NUP214: variants seen among roughly 807,000 people sequenced by gnomAD.
NUP214 encodes the protein nucleoporin 214, also known as nuclear pore complex protein Nup214.
Under a neutral mutation model 196.2 loss-of-function variants are expected in NUP214, and 79 were observed. The observed-to-expected ratio is 0.40, with a 90% CI of 0.34 to 0.49. The LOEUF (loss-of-function observed/expected upper bound fraction) is 0.49. NUP214 is among the 20% of genes least tolerant of loss of function. The pLI is 0.58. For missense variants in NUP214, 2,468 were observed against 2,539.0 expected (o/e 0.97, Z 0.60); for synonymous variants, 1,020 against 990.5 (o/e 1.03, Z -0.56).
chr9:131,203,290 A>G (rs935861438), intron 30 of NUP214, among the ~76,000 whole-genome samples: 1 of 152,126 alleles, frequency 6.6e-6, no homozygotes, highest in Non-Finnish European at 1.5e-5. Context: ...GCATCACAGC[A>G]CCTCCATAAG....
intron 26 of NUP214, 62 bp from the exon 27 acceptor site, chr9:131,192,146 T>G: frequency 9.1e-7 from 1 of 1,103,916 alleles, no homozygotes; most frequent in Non-Finnish European, 1.3e-6. Context: ...ACTGGAACAG[T>G]GTTTCTGTCT....
intron 19 of NUP214, 31 bp from the exon 20 acceptor site, chr9:131,163,839 T>C (rs750563677): frequency 6.4e-7 from 1 of 1,567,260 alleles, no homozygotes; most frequent in South Asian, 1.1e-5. Flanking sequence ...CAGCTCCTAG[T>C]TGGTCTGTAT....
intron 34 of NUP214, among the ~76,000 whole-genome samples, chr9:131,231,448 C>T (rs1183123382): frequency 6.6e-6 from 1 of 151,996 alleles, no homozygotes; most frequent in African/African-American, 2.4e-5. Flanking sequence ...ACCTCGGCCT[C>T]CCAGAGTGCT....
At chr9:131,201,065 G>A (rs1833925191) in intron 29 of NUP214, among the ~76,000 whole-genome samples, 2 of 148,942 alleles carry the variant, frequency 1.3e-5, no homozygotes, top group Admixed American at 6.8e-5. Context: ...AATGAAAAAT[G>A]GTCTTTAAAG....
chr9:131,190,842 C>T (rs1833576741), intron 26 of NUP214: 1 of 158,372 alleles, frequency 6.3e-6, no homozygotes, highest in Non-Finnish European at 1.4e-5. Context: ...AACTTATTTC[C>T]CCTTCTCTGC....
intron 18 of NUP214, among the ~76,000 whole-genome samples, chr9:131,161,580 T>C (rs2133551052): frequency 6.6e-6 from 1 of 152,298 alleles, no homozygotes. Context: ...AAAAATTATA[T>C]GTTGAACTAC....
In NUP214 at chr9:131,129,402, A is replaced by G; in HGVS notation, c.517A>G (p.Ser173Gly). Residue 173 changes from serine (S) to glycine (G), a missense_variant, in exon 4 of 36, where the codon AGT becomes GGT. Ser to Gly is a moderately conservative substitution (Grantham distance 56). Around this residue, in one of 5 missense-constraint regions of NUP214, gnomAD observed 392 missense variants for 417.9 expected, o/e 0.94. Transcript: ENST00000359428. ...SMVAVCLADG[S>G]IAVLQVTETV... ...GGTGGCAGTTTGTCTGGCTGATGGTAGTATTGCTGTCCTGCAAGTCACGGA... is the reference window on the plus strand; with the variant it reads ...GGTGGCAGTTTGTCTGGCTGATGGTGGTATTGCTGTCCTGCAAGTCACGGA... 1.9e-6 allele frequency: 3 copies of G among 1,614,236 alleles called. No homozygotes were observed. The highest frequency in any genetic ancestry group is 2.5e-6 in the Non-Finnish European group (3 of 1,180,038).
In NUP214 at chr9:131,222,818, T is replaced by G. The variant is rs748379157; in HGVS notation, c.5790T>G (p.Phe1930Leu). The G allele has an allele frequency of 4.3e-6, 7 of 1,614,186 alleles. No homozygotes were observed. The South Asian group carries it at 7.7e-5, about 18-fold the overall frequency. Residue 1930 changes from phenylalanine to leucine, a missense_variant, in exon 32 of 36, where the codon TTT becomes TTG. Phe to Leu is a conservative substitution (Grantham distance 22, BLOSUM62 0). Around this residue, in one of 5 missense-constraint regions of NUP214, gnomAD observed 262 missense variants for 296.5 expected, o/e 0.88. Transcript: ENST00000359428. ...NLFGNSGAKT[F>L]GGFASSSFGE... Reference sequence around the variant, plus strand: ...TTGGAAACAGTGGGGCCAAGACATTTGGTGGATTTGCCAGCTCGTCGTTTG... The same window carrying G: ...TTGGAAACAGTGGGGCCAAGACATTGGGTGGATTTGCCAGCTCGTCGTTTG...
chr9:131,206,532 TCTC>T (rs758335857), intron 30 of NUP214, among the ~76,000 whole-genome samples: 1 of 151,886 alleles, frequency 6.6e-6, no homozygotes, highest in Non-Finnish European at 1.5e-5. Flanking sequence ...GCAGCCTTGA[TCTC>T]CTGGGCTCAA....
chr9:131,234,131 C>T lies in NUP214; in HGVS notation c.*644C>T, dbSNP rs1389399588. The T allele has an allele frequency of 3.9e-5, 9 of 233,394 alleles. No homozygotes were observed. Among genetic ancestry groups the T allele is most frequent in the East Asian group, 1.8e-4 (3 of 16,586 alleles). 14.5% of individuals were successfully genotyped at this position (233,394 alleles called of 1,614,324 possible). A position where few individuals can be genotyped will look rare whatever the true frequency, so the allele number is the denominator to read the frequency against. The stretch of plus-strand genomic sequence containing the variant: ...AGGCAGGACAGTGCTGCGCCTTAGC[C>T]GGCCTTGGCTCTCATCTCCATGTGG... On this transcript the variant is annotated 3_prime_UTR_variant, in exon 36 of 36. Coordinates refer to ENST00000359428, the MANE Select transcript of NUP214 (RefSeq NM_005085.4).
Position 131,144,784 on chromosome 9 carries a change from G to A in NUP214, c.1769+30G>A, listed in dbSNP as rs778898848. On this transcript the variant is annotated intron_variant, in intron 12 of 35. Coordinates refer to ENST00000359428, the MANE Select transcript of NUP214 (RefSeq NM_005085.4). Reference sequence around the variant, plus strand: ...GTCACTTCTAAAGTTTGATTCTTCTGTGAGTTGGGTAGAAATATTGGATGT... The same window carrying A: ...GTCACTTCTAAAGTTTGATTCTTCTATGAGTTGGGTAGAAATATTGGATGT... 7.5e-6 allele frequency: 11 copies of A among 1,460,206 alleles called. No individual in the cohort carries two copies. In the South Asian group the frequency reaches 1.3e-4, roughly 17 times the overall value. 90.5% of individuals were successfully genotyped at this position (1,460,206 alleles called of 1,614,324 possible).
chr9:131,155,652 TG>T (rs1832413819), intron 17 of NUP214, among the ~76,000 whole-genome samples: 1 of 152,232 alleles, frequency 6.6e-6, no homozygotes, highest in Non-Finnish European at 1.5e-5. Flanking sequence ...AGTTGATTTT[TG>T]TATAAGGTGA....
intron 24 of NUP214, among the ~76,000 whole-genome samples, chr9:131,181,220 C>T (rs558169592): frequency 9.2e-5 from 14 of 152,118 alleles, no homozygotes; most frequent in African/African-American, 3.1e-4. Flanking sequence ...GTAGCAGGAG[C>T]GTGTCTACAA....
chr9:131,128,031 C>T lies in NUP214; in HGVS notation c.242-301C>T, dbSNP rs114983754. Among the ~76,000 whole-genome samples the T allele has an allele frequency of 2.4e-3, 370 of 152,250 alleles. 3 individuals carry two copies. The highest frequency in any genetic ancestry group is 8.5e-3 in the African/African-American group (355 of 41,538). On this transcript the variant is annotated intron_variant, in intron 2 of 35. Transcript: ENST00000359428. ...TTTATTGGCATGGGTTTTCAGTTGG[C>T]ACAACAGTATGATCCAAACTATTGG...
At chr9:131,176,106 C>T (rs1045855436) in intron 23 of NUP214, among the ~76,000 whole-genome samples, 1 of 151,750 alleles carries the variant, frequency 6.6e-6, no homozygotes, top group Non-Finnish European at 1.5e-5. Flanking sequence ...TCACTTGAGG[C>T]CAGGAGTTTG....
In NUP214 at chr9:131,130,144, T is replaced by TG. The variant is rs1474758557; in HGVS notation, c.593-622_593-621insG. 5.6e-5 allele frequency among the ~76,000 whole-genome samples: 6 copies of TG among 106,804 alleles called. No homozygotes were observed. The East Asian group carries it at 1.1e-3, about 20-fold the overall frequency. 70.1% of individuals were successfully genotyped at this position (106,804 alleles called of 152,430 possible). A position where few individuals can be genotyped will look rare whatever the true frequency, so the allele number is the denominator to read the frequency against. On this transcript the variant is annotated intron_variant, in intron 4 of 35. Transcript: ENST00000359428. ...AGAATGATTTCTGGTTTTGTTTTTT[T>TG]TTTTTTGTTTTTTTTTTGAGACAGA...
At position 131,127,497 on chromosome 9, in the gene NUP214, T is replaced by C. The variant is rs368475334; in HGVS notation, c.46-27T>C. 12 of 1,562,466 alleles carry C rather than the reference T, an allele frequency of 7.7e-6. No individual in the cohort carries two copies. In the African/African-American group the frequency reaches 1.2e-4, roughly 16 times the overall value. Reference sequence around the variant, plus strand: ...GTTTTAATTTCTTTCTTTATTGAATTGATCTCGTTTTGATTCTTCACAACA... The same window carrying C: ...GTTTTAATTTCTTTCTTTATTGAATCGATCTCGTTTTGATTCTTCACAACA... On this transcript the variant is annotated intron_variant, in intron 1 of 35. Transcript: ENST00000359428.
At chr9:131,178,967 G>A (rs1019427391) in intron 24 of NUP214, among the ~76,000 whole-genome samples, 14 of 151,774 alleles carry the variant, frequency 9.2e-5, no homozygotes, top group Admixed American at 6.6e-4. Context: ...GGTGGTGGTG[G>A]TTTTGTTGTT....
chr9:131,136,041 C>CT (rs1477334114), intron 9 of NUP214, 35 bp downstream of exon 9: 1 of 1,513,528 alleles, frequency 6.6e-7, no homozygotes, highest in South Asian at 1.1e-5. Context: ...GTGGTGCTTT[C>CT]TTTTTTAAAT....
Sources: allele counts gnomAD v4.1 joint callset (sites outside exome capture counted in the v4.1 genomes callset), GRCh38; gene constraint gnomAD v4.1.1; regional missense constraint gnomAD v4.1.1; transcripts MANE v1.5; gene names NCBI Gene and HGNC (gene_info 2026-07-23, HGNC 2026-07-21).